IPO9: variants seen among roughly 807,000 people sequenced by gnomAD.
IPO9 encodes the protein importin 9.
In IPO9, 28 loss-of-function variants were observed where a neutral mutation model predicts 128.6. The ratio of observed to expected loss-of-function variants is 0.22; its 90% CI spans 0.16 to 0.30. The LOEUF (loss-of-function observed/expected upper bound fraction) is 0.30. IPO9 is among the 10% of genes least tolerant of loss of function. The pLI is 1.00. For synonymous variants in IPO9, 455 were observed against 475.8 expected (o/e 0.96, Z 0.57); for missense variants, 935 against 1,293.9 (o/e 0.72, Z 4.26).
rs1680891904 is a variant in IPO9, at chr1:201,882,104, T to G, written c.*6050T>G. The G allele has an allele frequency of 6.6e-6, 1 of 152,098 alleles. No individual in the cohort carries two copies. Among genetic ancestry groups the G allele is most frequent in the Non-Finnish European group, 1.5e-5 (1 of 68,018 alleles). 9.4% of individuals were successfully genotyped at this position (152,098 alleles called of 1,614,324 possible). ...TAACCATACTTTACCAAGATTCCAG[T>G]AGCAAAGCACCCAAAAGTAATCGCA... On this transcript the variant is annotated 3_prime_UTR_variant, in exon 24 of 24. Coordinates refer to ENST00000361565, the MANE Select transcript of IPO9 (RefSeq NM_018085.5).
rs1680725545 is a variant in IPO9, at chr1:201,874,685, G to A, written c.2834-147G>A. 6 of 692,208 alleles carry A rather than the reference G, an allele frequency of 8.7e-6. No homozygotes were observed. The Admixed American group carries it at 9.1e-5, about 11-fold the overall frequency. The allele number at this position is 692,208 out of a possible 1,614,324, so 42.9% of individuals were successfully genotyped here. ...TCTTTCATTGAGACTAACCAGGAGG[G>A]TTTGGCCATTTCTGATTCTCTTTCA... On this transcript the variant is annotated intron_variant, in intron 21 of 23. Coordinates refer to ENST00000361565, the MANE Select transcript of IPO9 (RefSeq NM_018085.5).
chr1:201,835,035 C>T (rs1376857800), intron 1 of IPO9: 3 of 152,284 alleles, frequency 2.0e-5, no homozygotes, highest in African/African-American at 4.8e-5. Context: ...GGCACTGAGC[C>T]GAGCGGAAGG....
Position 201,829,367 on chromosome 1 carries a change from C to A in IPO9, c.158C>A (p.Thr53Lys). The A allele has an allele frequency of 6.4e-7, 1 of 1,566,392 alleles. No individual in the cohort carries two copies. The highest frequency in any genetic ancestry group is 8.6e-7 in the Non-Finnish European group (1 of 1,157,866). The change falls in exon 1 of 24, where the codon ACG becomes AAG. Residue 53 changes from threonine to lysine, a missense_variant. This residue lies in a region of IPO9 where 741 missense variants were observed against 1,019.1 expected (regional missense o/e 0.73). Coordinates refer to ENST00000361565, the MANE Select transcript of IPO9 (RefSeq NM_018085.5). Reference protein sequence around the residue: ...AEEQIKVLEVTEEFGVHLAEL... With the variant: ...AEEQIKVLEVKEEFGVHLAEL... The stretch of plus-strand genomic sequence containing the variant: ...GAACAGATTAAGGTGCTGGAGGTGA[C>A]GGAGGGTGAGTGAGGCGGGACCGTC...
intron 15 of IPO9, among the ~76,000 whole-genome samples, chr1:201,867,413 C>T (rs1162043307): frequency 6.6e-6 from 1 of 151,896 alleles, no homozygotes; most frequent in East Asian, 1.9e-4. Flanking sequence ...TATAAAAAGA[C>T]ATTAGTTAAT....
chr1:201,848,598 C>T lies in IPO9; in HGVS notation c.514+4C>T. 6.2e-7 allele frequency: 1 copy of T among 1,613,440 alleles called. No individual in the cohort carries two copies. The highest frequency in any genetic ancestry group is 8.5e-7 in the Non-Finnish European group (1 of 1,179,866). On this transcript the variant is annotated splice_donor_region_variant and intron_variant, in intron 4 of 23. Coordinates refer to ENST00000361565, the MANE Select transcript of IPO9 (RefSeq NM_018085.5). ...GGAGCCATGCGTGTGCTGACAGGTA[C>T]CAGAAGCCCTTTTCCCTGGTATTGG...
chr1:201,870,724 A>C lies in IPO9; in HGVS notation c.2275A>C (p.Thr759Pro). ...QLLDPRTSEF[T>P]AAFVGRLVST... ...CCTGGACCCCCGCACCTCAGAGTTC[A>C]CTGCGGCCTTTGTGGGCCGCCTTGT... Residue 759 changes from threonine (T) to proline (P), a missense_variant, in exon 18 of 24, where the codon ACT becomes CCT. By Grantham distance (38) the Thr-to-Pro change is conservative. This residue lies in a region of IPO9 where 741 missense variants were observed against 1,019.1 expected (regional missense o/e 0.73). Coordinates refer to ENST00000361565, the MANE Select transcript of IPO9 (RefSeq NM_018085.5). This position sits in a 1 kb window ranked among gnomAD's most constrained non-coding sequence, Gnocchi z 4.9. 1 of 1,614,228 alleles carries C rather than the reference A, an allele frequency of 6.2e-7. No homozygotes were observed. Among genetic ancestry groups the C allele is most frequent in the Non-Finnish European group, 8.5e-7 (1 of 1,180,036 alleles).
At chr1:201,837,342 A>G (rs1679958718) in intron 1 of IPO9, among the ~76,000 whole-genome samples, 1 of 152,220 alleles carries the variant, frequency 6.6e-6, no homozygotes, top group African/African-American at 2.4e-5. Context: ...CTGAAGAGAA[A>G]AGACTTGGAA....
intron 15 of IPO9, 68 bp from the exon 16 acceptor site, chr1:201,868,580 C>A (rs1211771257): frequency 1.0e-5 from 16 of 1,525,448 alleles, no homozygotes; most frequent in Non-Finnish European, 1.3e-5. Context: ...AAACAACAGG[C>A]ATCATTAAGC....
chr1:201,871,998 G>T (rs560405978), intron 19 of IPO9, among the ~76,000 whole-genome samples: 1 of 152,198 alleles, frequency 6.6e-6, no homozygotes, highest in South Asian at 2.1e-4. Context: ...ACTTTAGGAG[G>T]CTGAGGCGAG....
At chr1:201,861,621 C>T (rs1424100757) in intron 13 of IPO9, among the ~76,000 whole-genome samples, 1 of 152,162 alleles carries the variant, frequency 6.6e-6, no homozygotes, top group Non-Finnish European at 1.5e-5. Context: ...CCATCATAAG[C>T]AGAGGAGCAT....
At chr1:201,848,319 G>C in intron 3 of IPO9, 74 bp from the exon 4 acceptor site, 2 of 1,281,508 alleles carry the variant, frequency 1.6e-6, no homozygotes, top group Non-Finnish European at 2.3e-6. Flanking sequence ...TTCCAACACA[G>C]TTCCCAATTG....
chr1:201,842,929 T>C (rs1300790032), intron 1 of IPO9, among the ~76,000 whole-genome samples: 1 of 152,218 alleles, frequency 6.6e-6, no homozygotes, highest in Non-Finnish European at 1.5e-5. Flanking sequence ...GCTCTGAGCC[T>C]CTTTTGAGGT....
At chr1:201,859,078 C>A in intron 13 of IPO9, 84 bp downstream of exon 13, 2 of 1,398,464 alleles carry the variant, frequency 1.4e-6, no homozygotes, top group Admixed American at 1.9e-5. Flanking sequence ...AGGAGATATA[C>A]CTGATGTAAG....
intron 19 of IPO9, among the ~76,000 whole-genome samples, chr1:201,872,606 AAAC>A (rs147575517): frequency 1.5e-4 from 22 of 147,854 alleles, no homozygotes; most frequent in South Asian, 4.2e-4. Context: ...CCTATCTCAA[AAAC>A]AACAACAACA....
chr1:201,855,816 G>C lies in IPO9; in HGVS notation c.1004G>C (p.Ser335Thr). ...CTGGGCTTTGAAAATCTCGTCTTTA[G>C]CATTTTTGAATTTGTCCATGCTCTA... is the stretch of plus-strand genomic sequence containing the variant. ...EVLGFENLVF[S>T]IFEFVHALLE... The change falls in exon 10 of 24, where the codon AGC (serine) becomes ACC (threonine). Residue 335 changes from serine (S) to threonine (T), a missense_variant. Ser to Thr is a moderately conservative substitution (Grantham distance 58). Around this residue, in one of 3 missense-constraint regions of IPO9, gnomAD observed 741 missense variants for 1,019.1 expected, o/e 0.73. Transcript: ENST00000361565. The C allele has an allele frequency of 6.2e-7, 1 of 1,610,840 alleles. No individual in the cohort carries two copies. Among genetic ancestry groups the C allele is most frequent in the Non-Finnish European group, 8.5e-7 (1 of 1,179,364 alleles).
rs1409454592 is a variant in IPO9, at chr1:201,858,430, C to G, written c.1222-17C>G. On this transcript the variant is annotated splice_polypyrimidine_tract_variant and intron_variant, in intron 11 of 23. Coordinates refer to ENST00000361565, the MANE Select transcript of IPO9 (RefSeq NM_018085.5). ...TAATGGGCACAAACAGATTTATTAG[C>G]TCTTCTCTCTCTATAGGCTGTGGCC... 2 of 1,417,754 alleles carry G rather than the reference C, an allele frequency of 1.4e-6. No individual in the cohort carries two copies. The highest frequency in any genetic ancestry group is 2.9e-5 in the African/African-American group (2 of 69,242). The allele number at this position is 1,417,754 out of a possible 1,614,324, so 87.8% of individuals were successfully genotyped here. A position where few individuals can be genotyped will look rare whatever the true frequency, so the allele number is the denominator to read the frequency against.
chr1:201,855,745 T>A, intron 9 of IPO9, 38 bp from the exon 10 acceptor site: 1 of 1,580,758 alleles, frequency 6.3e-7, no homozygotes, highest in Non-Finnish European at 8.6e-7. Context: ...CCTTTTGCTT[T>A]CTTGTCATTA....
At chr1:201,843,534 A>C (rs1451896580) in intron 1 of IPO9, among the ~76,000 whole-genome samples, 1 of 152,246 alleles carries the variant, frequency 6.6e-6, no homozygotes, top group African/African-American at 2.4e-5. Flanking sequence ...ATACTTTTTA[A>C]GAAAATATAT....
Position 201,876,980 on chromosome 1 carries a change from A to G in IPO9, c.*926A>G, listed in dbSNP as rs541884779. 1 of 152,746 alleles carries G rather than the reference A, an allele frequency of 6.5e-6. No homozygotes were observed. The highest frequency in any genetic ancestry group is 2.1e-4 in the South Asian group (1 of 4,832). The allele number at this position is 152,746 out of a possible 1,614,324, so 9.5% of individuals were successfully genotyped here. A position where few individuals can be genotyped will look rare whatever the true frequency, so the allele number is the denominator to read the frequency against. On this transcript the variant is annotated 3_prime_UTR_variant, in exon 24 of 24. Transcript: ENST00000361565. The stretch of plus-strand genomic sequence containing the variant: ...CAAATGAATTTAGTTGCATGGTATA[A>G]GGTGTCTCAGCACCTGTTTGCCTTC...
Sources: gnomAD v4.1 joint callset for allele counts (sites outside exome capture counted in the v4.1 genomes callset) on GRCh38, gnomAD v4.1.1 for gene constraint, gnomAD v4.1.1 regional missense constraint, Gnocchi (gnomAD v3.1) non-coding constraint, MANE v1.5 for transcripts, NCBI Gene and HGNC (gene_info 2026-07-23, HGNC 2026-07-21) for gene names.